The following SRRM4 variants were observed in gnomAD, a reference collection of about 807,000 sequenced individuals.
SRRM4 encodes the protein serine/arginine repetitive matrix 4, also known as serine/arginine repetitive matrix protein 4.
In SRRM4, 33 loss-of-function variants were observed where a neutral mutation model predicts 68.9. The observed-to-expected ratio is 0.48, with a 90% CI of 0.36 to 0.64. The LOEUF (loss-of-function observed/expected upper bound fraction) is 0.64, where lower values mean the gene tolerates loss of function less well. Ranked by LOEUF, SRRM4 falls within the 30% of genes least tolerant of loss-of-function variation. SRRM4 has a pLI of 0.00. For missense variants in SRRM4, 817 were observed against 827.1 expected, an observed-to-expected ratio of 0.99 and a Z score of 0.15; for synonymous variants, 318 against 318.8, an observed-to-expected ratio of 1.00 and a Z score of 0.03.
chr12:119,001,048 C>G (rs1181597722), intron 1 of SRRM4: 3 of 152,104 alleles, frequency 2.0e-5, no homozygotes, highest in African/African-American at 7.2e-5. Flanking sequence ...TTAGGGTAGG[C>G]AAGATTATCA....
rs547723522 is a variant in SRRM4 at position 119,116,863 on chromosome 12, G to C, written c.366-74G>C. The C allele has an allele frequency of 8.5e-5, 108 of 1,277,158 alleles. No individual in the cohort carries two copies. The African/African-American group carries it at 1.5e-3, about 18-fold the overall frequency. The allele number at this position is 1,277,158 out of a possible 1,614,324, so 79.1% of individuals were successfully genotyped here. ...GAGCTAAAACCCTGTATAAGGACTGGGGAAGGTTCTTTTTGAAACCAACCT... is the reference window on the plus strand; with the variant it reads ...GAGCTAAAACCCTGTATAAGGACTGCGGAAGGTTCTTTTTGAAACCAACCT... On this transcript the variant is annotated intron_variant, in intron 3 of 12. Coordinates refer to ENST00000267260, the MANE Select transcript of SRRM4 (RefSeq NM_194286.4).
Position 119,008,895 on chromosome 12 carries a change from AGAG to A in SRRM4, c.131+26893_131+26895del, listed in dbSNP as rs1376537218. On this transcript the variant is annotated intron_variant, in intron 1 of 12. Transcript: ENST00000267260. ...TTGTTCCTAGGGCATCTGCTTGGTGAGAGGAGGAGGAGGCAGGGCCGACCGCCA... is the reference window on the plus strand; with the variant it reads ...TTGTTCCTAGGGCATCTGCTTGGTGAGAGGAGGAGGCAGGGCCGACCGCCA... 3.3e-5 allele frequency among the ~76,000 whole-genome samples: 5 copies of A among 151,842 alleles called. No individual in the cohort carries two copies. The East Asian group carries it at 9.8e-4, about 30-fold the overall frequency.
intron 1 of SRRM4, among the ~76,000 whole-genome samples, chr12:119,101,670 C>T (rs1372012799): frequency 1.3e-5 from 2 of 152,036 alleles, no homozygotes; most frequent in South Asian, 2.1e-4. Context: ...GATACTATAG[C>T]TACTAAATAG....
At chr12:119,000,327 A>G (rs912259176) in intron 1 of SRRM4, among the ~76,000 whole-genome samples, 4 of 152,218 alleles carry the variant, frequency 2.6e-5, no homozygotes, top group Admixed American at 1.3e-4. Flanking sequence ...GCTGAAGTGA[A>G]CAAGGTGACT....
At chr12:119,021,421 G>A (rs1317744063) in intron 1 of SRRM4, among the ~76,000 whole-genome samples, 3 of 152,158 alleles carry the variant, frequency 2.0e-5, no homozygotes, top group African/African-American at 7.2e-5. Context: ...CTTTCATCAG[G>A]GTAGGGGTTC....
intron 3 of SRRM4, among the ~76,000 whole-genome samples, chr12:119,114,943 C>T (rs1194739308): frequency 1.3e-5 from 2 of 151,744 alleles, no homozygotes; most frequent in Non-Finnish European, 2.9e-5. Context: ...GGGTTACAAG[C>T]GTGAACCACC....
At chr12:118,982,380 G>T (rs1026649985) in intron 1 of SRRM4, among the ~76,000 whole-genome samples, 2 of 152,158 alleles carry the variant, frequency 1.3e-5, no homozygotes, top group Non-Finnish European at 2.9e-5. Flanking sequence ...TGTTTGGGGG[G>T]TGTTGTACCA....
At chr12:119,045,427 C>A (rs891267249) in intron 1 of SRRM4, among the ~76,000 whole-genome samples, 1 of 151,904 alleles carries the variant, frequency 6.6e-6, no homozygotes, top group Non-Finnish European at 1.5e-5. Context: ...GACTTAGGAA[C>A]TCCCAGGGCT....
intron 3 of SRRM4, among the ~76,000 whole-genome samples, chr12:119,115,146 T>C (rs1954170474): frequency 6.6e-6 from 1 of 152,002 alleles, no homozygotes; most frequent in Non-Finnish European, 1.5e-5. Context: ...GGTGACAGGA[T>C]CTACAGGGGC....
chr12:119,150,519 CAATGGATTT>C (rs1954432238), intron 9 of SRRM4, among the ~76,000 whole-genome samples: 1 of 152,126 alleles, frequency 6.6e-6, no homozygotes, highest in South Asian at 2.1e-4. Context: ...ATGATTAAAA[CAATGGATTT>C]AATCCTACTA....
chr12:119,103,656 GA>G (rs1169843091), intron 2 of SRRM4, among the ~76,000 whole-genome samples: 1 of 152,210 alleles, frequency 6.6e-6, no homozygotes, highest in Non-Finnish European at 1.5e-5. Flanking sequence ...TTGTTTCCAT[GA>G]TAGGCAGAGG....
intron 1 of SRRM4, among the ~76,000 whole-genome samples, chr12:119,026,581 C>T (rs1333850340): frequency 6.6e-6 from 1 of 151,650 alleles, no homozygotes; most frequent in Non-Finnish European, 1.5e-5. Context: ...TGGACTCTCA[C>T]TCTGTTGCCC....
At chr12:118,987,534 G>A (rs1423311345) in intron 1 of SRRM4, among the ~76,000 whole-genome samples, 5 of 152,230 alleles carry the variant, frequency 3.3e-5, no homozygotes, top group African/African-American at 4.8e-5. Flanking sequence ...CTAATCAAAG[G>A]AAGTGTTTTA....
chr12:119,143,359 G>A (rs1954378757), intron 8 of SRRM4, among the ~76,000 whole-genome samples: 1 of 152,204 alleles, frequency 6.6e-6, no homozygotes, highest in Non-Finnish European at 1.5e-5. Flanking sequence ...GGTGAAAGCT[G>A]CCCTAACATT....
At position 119,163,006 on chromosome 12, in the gene SRRM4, A is replaced by G. The variant is rs1954525596; in HGVS notation, c.*6208A>G. ...GTTTCTGGTTTTTCAGCCTGTACGA[A>G]ACATGTCTCTGTTCTAATTAAAGTT... On this transcript the variant is annotated 3_prime_UTR_variant, in exon 13 of 13. Coordinates refer to ENST00000267260, the MANE Select transcript of SRRM4 (RefSeq NM_194286.4). The G allele has an allele frequency of 6.6e-6, 1 of 152,168 alleles. No individual in the cohort carries two copies. The highest frequency in any genetic ancestry group is 2.4e-5 in the African/African-American group (1 of 41,446). 9.4% of individuals were successfully genotyped at this position (152,168 alleles called of 1,614,324 possible). A position where few individuals can be genotyped will look rare whatever the true frequency, so the allele number is the denominator to read the frequency against.
intron 1 of SRRM4, among the ~76,000 whole-genome samples, chr12:119,016,353 G>A (rs1325183087): frequency 6.6e-6 from 1 of 151,428 alleles, no homozygotes; most frequent in African/African-American, 2.4e-5. Context: ...GCCCCATTCA[G>A]TAACCACCTT....
intron 3 of SRRM4, among the ~76,000 whole-genome samples, chr12:119,114,661 T>TC (rs1491156208): frequency 3.2e-5 from 1 of 30,964 alleles, no homozygotes; most frequent in African/African-American, 6.3e-5. Flanking sequence ...AAGCATAGTC[T>TC]TTTTTTTTTT....
chr12:119,045,042 C>T (rs1953696689), intron 1 of SRRM4, among the ~76,000 whole-genome samples: 1 of 152,200 alleles, frequency 6.6e-6, no homozygotes, highest in Non-Finnish European at 1.5e-5. Flanking sequence ...AATACAAGTA[C>T]TTAGAACAGG....
intron 9 of SRRM4, among the ~76,000 whole-genome samples, chr12:119,148,564 T>C (rs781402006): frequency 1.3e-5 from 2 of 152,226 alleles, no homozygotes; most frequent in Non-Finnish European, 2.9e-5. Flanking sequence ...AGAAATAATC[T>C]TCCCGAGCTC....
Sources: gnomAD v4.1 joint callset for allele counts (sites outside exome capture counted in the v4.1 genomes callset) on GRCh38, gnomAD v4.1.1 for gene constraint, MANE v1.5 for transcripts, NCBI Gene and HGNC (gene_info 2026-07-23, HGNC 2026-07-21) for gene names.